The following PPP2CA variants were observed in gnomAD, a reference collection of about 807,000 sequenced individuals.
The protein encoded by PPP2CA is serine/threonine-protein phosphatase 2A catalytic subunit alpha isoform.
A neutral mutation model predicts 38.8 loss-of-function variants in PPP2CA; 5 were observed. The observed-to-expected ratio is 0.13, with a 90% CI of 0.07 to 0.27. The LOEUF (loss-of-function observed/expected upper bound fraction) is 0.27, where lower values mean the gene tolerates loss of function less well. Among genes scored for constraint, PPP2CA ranks in the 10% least tolerant of loss-of-function variants. The pLI is 1.00. For synonymous variants in PPP2CA, 152 were observed against 134.0 expected, an observed-to-expected ratio of 1.13 and a Z score of -0.93; for missense variants, 88 against 389.7, an observed-to-expected ratio of 0.23 and a Z score of 6.52.
At chr5:134,205,058 G>C (rs572946356) in intron 2 of PPP2CA, among the ~76,000 whole-genome samples, 1 of 151,048 alleles carries the variant, frequency 6.6e-6, no homozygotes, top group South Asian at 2.1e-4. Context: ...ACCTCAGCCT[G>C]AGTAGCTGGG....
intron 2 of PPP2CA, among the ~76,000 whole-genome samples, chr5:134,204,035 C>A (rs1175383941): frequency 6.6e-6 from 1 of 152,220 alleles, no homozygotes. Flanking sequence ...ACCGCAGAAA[C>A]CTTCCACCAT....
At chr5:134,223,041 G>T (rs1762478548) in intron 1 of PPP2CA, among the ~76,000 whole-genome samples, 1 of 152,064 alleles carries the variant, frequency 6.6e-6, no homozygotes, top group Non-Finnish European at 1.5e-5. Flanking sequence ...ACCTCTTATG[G>T]TATACATCTA....
At chr5:134,224,347 C>T in intron 1 of PPP2CA, 1 of 450,968 alleles carries the variant, frequency 2.2e-6, no homozygotes, top group Non-Finnish European at 4.4e-6. Context: ...CCACCTCATC[C>T]ACTAGTAGTA....
intron 1 of PPP2CA, among the ~76,000 whole-genome samples, chr5:134,212,097 T>TG (rs1762217274): frequency 7.5e-6 from 1 of 132,600 alleles, no homozygotes; most frequent in Non-Finnish European, 1.6e-5. Flanking sequence ...CCAGCCTGGG[T>TG]GACAGTGAGA....
intron 1 of PPP2CA, among the ~76,000 whole-genome samples, chr5:134,214,148 TAAAA>T (rs961762168): frequency 2.0e-5 from 3 of 149,572 alleles, no homozygotes; most frequent in African/African-American, 7.4e-5. Context: ...AAAAAAAGGC[TAAAA>T]AAAAAATTAA....
chr5:134,206,317 C>T (rs1025259470), intron 1 of PPP2CA, among the ~76,000 whole-genome samples, 186 bp from the exon 2 acceptor site: 1 of 152,078 alleles, frequency 6.6e-6, no homozygotes, highest in Non-Finnish European at 1.5e-5. Context: ...ACCCTGTTAC[C>T]TAGGGAAAAA....
intron 1 of PPP2CA, among the ~76,000 whole-genome samples, chr5:134,221,983 A>G (rs1378133395): frequency 1.3e-5 from 2 of 151,986 alleles, no homozygotes; most frequent in African/African-American, 2.4e-5. Context: ...AAAAAAAAAA[A>G]AAAAGTTTTA....
chr5:134,199,267 C>T (rs1485004744), intron 5 of PPP2CA, 63 bp from the exon 6 acceptor site: 3 of 1,247,228 alleles, frequency 2.4e-6, no homozygotes, highest in East Asian at 2.3e-5. Context: ...TGTTACTTCA[C>T]TCAAGAGAGA....
chr5:134,223,380 C>T (rs1333728860), intron 1 of PPP2CA, among the ~76,000 whole-genome samples: 1 of 152,088 alleles, frequency 6.6e-6, no homozygotes, highest in Non-Finnish European at 1.5e-5. Flanking sequence ...ATTCTACATA[C>T]CCAAAAAACT....
At chr5:134,203,846 G>A (rs1483937641) in intron 2 of PPP2CA, among the ~76,000 whole-genome samples, 1 of 152,132 alleles carries the variant, frequency 6.6e-6, no homozygotes, top group Non-Finnish European at 1.5e-5. Context: ...CTCCAGAGTG[G>A]CTAGGACTAC....
At chr5:134,215,835 C>A (rs1762307456) in intron 1 of PPP2CA, among the ~76,000 whole-genome samples, 1 of 152,174 alleles carries the variant, frequency 6.6e-6, no homozygotes, top group Non-Finnish European at 1.5e-5. Flanking sequence ...ATAACATTTC[C>A]TGAACAAATG....
At position 134,202,024 on chromosome 5, in the gene PPP2CA, A is replaced by G. The variant is rs768406637; in HGVS notation, c.313-3T>C. On this transcript the variant is annotated splice_region_variant and splice_polypyrimidine_tract_variant and intron_variant, in intron 2 of 6. Coordinates refer to ENST00000481195, the MANE Select transcript of PPP2CA (RefSeq NM_002715.4). The stretch of plus-strand genomic sequence containing the variant: ...GTGATGCGTTCACGGTAACGAACCT[A>G]AAACAATAAAATGCAAAACATAAAC... 2.5e-6 allele frequency: 4 copies of G among 1,573,518 alleles called. No homozygotes were observed. The highest frequency in any genetic ancestry group is 3.4e-6 in the Non-Finnish European group (4 of 1,164,074).
intron 3 of PPP2CA, 133 bp downstream of exon 3, chr5:134,201,715 G>T: frequency 9.8e-7 from 1 of 1,016,968 alleles, no homozygotes; most frequent in Non-Finnish European, 1.4e-6. Context: ...TTTTAAGTTT[G>T]AATGAATGCT....
rs541764599 is a variant in PPP2CA, at chr5:134,205,539, C to T, written c.312+383G>A. The T allele has an allele frequency of 6.2e-3, 628 of 101,340 alleles. 2 individuals are homozygous for T. Among genetic ancestry groups the T allele is most frequent in the African/African-American group, 0.03 (606 of 20,210 alleles). 6.3% of individuals were successfully genotyped at this position (101,340 alleles called of 1,614,324 possible). A position where few individuals can be genotyped will look rare whatever the true frequency, so the allele number is the denominator to read the frequency against. ...TGGGATTACAGGCACCCGCCACCAC[C>T]CCCGGCTAGTTTTTTGTACTTTTAG... On this transcript the variant is annotated intron_variant, in intron 2 of 6. Coordinates refer to ENST00000481195, the MANE Select transcript of PPP2CA (RefSeq NM_002715.4).
At chr5:134,203,901 G>A (rs1762020783) in intron 2 of PPP2CA, among the ~76,000 whole-genome samples, 1 of 152,056 alleles carries the variant, frequency 6.6e-6, no homozygotes, top group South Asian at 2.1e-4. Flanking sequence ...CTGAAGAGAT[G>A]GGGTCTCACT....
intron 1 of PPP2CA, among the ~76,000 whole-genome samples, chr5:134,210,887 T>C (rs536357171): frequency 3.3e-5 from 5 of 152,242 alleles, no homozygotes; most frequent in Admixed American, 6.5e-5. Context: ...TGAAATTCAG[T>C]CAAATGGTAT....
At chr5:134,198,104 T>A (rs1761891818) in intron 6 of PPP2CA, among the ~76,000 whole-genome samples, 1 of 151,036 alleles carries the variant, frequency 6.6e-6, no homozygotes, top group Non-Finnish European at 1.5e-5. Context: ...AAACAAAACA[T>A]GGTTGGCCGG....
intron 1 of PPP2CA, among the ~76,000 whole-genome samples, chr5:134,222,496 T>C (rs1762466891): frequency 6.6e-6 from 1 of 152,110 alleles, no homozygotes; most frequent in Non-Finnish European, 1.5e-5. Context: ...TTTATAGTGC[T>C]TGCAAAGCAA....
chr5:134,200,898 G>A, intron 4 of PPP2CA, 87 bp downstream of exon 4: 1 of 1,104,236 alleles, frequency 9.1e-7, no homozygotes, highest in Non-Finnish European at 1.4e-6. Flanking sequence ...AGAATTATAT[G>A]AGAGAATACA....
Sources: allele counts gnomAD v4.1 joint callset (sites outside exome capture counted in the v4.1 genomes callset), GRCh38; gene constraint gnomAD v4.1.1; transcripts MANE v1.5; gene names NCBI Gene and HGNC (gene_info 2026-07-23, HGNC 2026-07-21).